ADARB2: variants seen among roughly 807,000 people sequenced by gnomAD.
ADARB2 encodes inactive double-stranded RNA-specific editase B2.
Under a neutral mutation model 62.2 loss-of-function variants are expected in ADARB2, and 25 were observed. The observed-to-expected ratio is 0.40, with a 90% CI of 0.29 to 0.56. The LOEUF (loss-of-function observed/expected upper bound fraction) is 0.56. Ranked by LOEUF, ADARB2 falls within the 20% of genes least tolerant of loss-of-function variation. The probability of loss-of-function intolerance (pLI) is 0.43; values close to 1 mark genes in which losing one functional copy is unlikely to be tolerated. For synonymous variants in ADARB2, 572 were observed against 500.8 expected, an observed-to-expected ratio of 1.14 and a Z score of -1.90; for missense variants, 1,071 against 1,077.4, an observed-to-expected ratio of 0.99 and a Z score of 0.08.
At chr10:1,652,249 A>T (rs1407958010) in intron 1 of ADARB2, among the ~76,000 whole-genome samples, 1 of 152,224 alleles carries the variant, frequency 6.6e-6, no homozygotes, top group Admixed American at 6.5e-5. Flanking sequence ...GCCCAGTCTC[A>T]GCTTTTAACT....
chr10:1,252,046 A>T (rs900533257), intron 4 of ADARB2, among the ~76,000 whole-genome samples: 3 of 152,216 alleles, frequency 2.0e-5, no homozygotes, highest in African/African-American at 7.2e-5. Flanking sequence ...GGATGCAGAC[A>T]CAGGGCTTCT....
intron 7 of ADARB2, among the ~76,000 whole-genome samples, chr10:1,201,909 A>G (rs1836992411): frequency 6.6e-6 from 1 of 151,032 alleles, no homozygotes; most frequent in Non-Finnish European, 1.5e-5. Flanking sequence ...GAGGACACAC[A>G]GCGCCTGTCA....
intron 1 of ADARB2, among the ~76,000 whole-genome samples, chr10:1,380,878 T>A (rs1400829774): frequency 6.6e-6 from 1 of 152,184 alleles, no homozygotes; most frequent in African/African-American, 2.4e-5. Flanking sequence ...GAAGCTCAAA[T>A]GATTCAGTCT....
At chr10:1,279,717 T>C (rs1831353524) in intron 3 of ADARB2, among the ~76,000 whole-genome samples, 2 of 152,202 alleles carry the variant, frequency 1.3e-5, no homozygotes, top group Admixed American at 1.3e-4. Context: ...TTGGACTTGC[T>C]TGGGCCCTGC....
Position 1,591,699 on chromosome 10 carries a change from C to A in ADARB2, c.100+145352G>T, listed in dbSNP as rs78059062. Among the ~76,000 whole-genome samples, 791 of 152,152 alleles carry A rather than the reference C, an allele frequency of 5.2e-3. 7 individuals are homozygous for A. The highest frequency in any genetic ancestry group is 0.018 in the African/African-American group (740 of 41,460). ...CACACGCACACACTCACCAGGACCCCCCCACCTGCCGCCGTCTTGTTGGAC... is the reference window on the plus strand; with the variant it reads ...CACACGCACACACTCACCAGGACCCACCCACCTGCCGCCGTCTTGTTGGAC... On this transcript the variant is annotated intron_variant, in intron 1 of 9. Coordinates refer to ENST00000381312, the MANE Select transcript of ADARB2 (RefSeq NM_018702.4).
chr10:1,718,245 T>C (rs1835046609), intron 1 of ADARB2, among the ~76,000 whole-genome samples: 3 of 152,084 alleles, frequency 2.0e-5, no homozygotes, highest in Non-Finnish European at 4.4e-5. Context: ...TTATATTTGG[T>C]CGTACTTTTT....
At chr10:1,726,678 C>T (rs1402381421) in intron 1 of ADARB2, among the ~76,000 whole-genome samples, 1 of 152,204 alleles carries the variant, frequency 6.6e-6, no homozygotes, top group African/African-American at 2.4e-5. Flanking sequence ...GCAGCACTTG[C>T]CCTGAGCTGC....
intron 1 of ADARB2, among the ~76,000 whole-genome samples, chr10:1,552,894 C>T (rs1588299577): frequency 6.7e-6 from 1 of 149,946 alleles, no homozygotes; most frequent in South Asian, 2.2e-4. Flanking sequence ...TTGGTTTTTA[C>T]CTCCTGTGGA....
chr10:1,580,682 A>G (rs942914098), intron 1 of ADARB2, among the ~76,000 whole-genome samples: 1 of 152,100 alleles, frequency 6.6e-6, no homozygotes, highest in African/African-American at 2.4e-5. Flanking sequence ...GGACCGGTGG[A>G]GAGTGTCTTG....
chr10:1,248,192 G>A (rs982575266), intron 4 of ADARB2, among the ~76,000 whole-genome samples: 2 of 152,188 alleles, frequency 1.3e-5, no homozygotes, highest in African/African-American at 2.4e-5. Context: ...TCTGGAGTGT[G>A]AGGCAAAGGT....
chr10:1,502,736 C>T (rs1831781612), intron 1 of ADARB2, among the ~76,000 whole-genome samples: 1 of 152,200 alleles, frequency 6.6e-6, no homozygotes, highest in Admixed American at 6.5e-5. Flanking sequence ...ATTTTCTAAC[C>T]TGTGTTACTT....
At chr10:1,510,113 T>TC (rs1564312481) in intron 1 of ADARB2, among the ~76,000 whole-genome samples, 13 of 67,490 alleles carry the variant, frequency 1.9e-4, no homozygotes, top group South Asian at 9.5e-4. Flanking sequence ...TCTTTCTCTC[T>TC]TTCTTTCTTT....
At chr10:1,337,977 G>A (rs907181346) in intron 3 of ADARB2, among the ~76,000 whole-genome samples, 1 of 152,194 alleles carries the variant, frequency 6.6e-6, no homozygotes, top group Non-Finnish European at 1.5e-5. Context: ...GGACTGACAC[G>A]TGCTTCTCAT....
At chr10:1,197,686 C>G (rs556647697) in intron 8 of ADARB2, among the ~76,000 whole-genome samples, 65 of 152,292 alleles carry the variant, frequency 4.3e-4, no homozygotes, top group African/African-American at 1.5e-3. Context: ...TTGAGGTGGG[C>G]TGTAAAAATA....
chr10:1,500,543 A>T (rs1020733678), intron 1 of ADARB2, among the ~76,000 whole-genome samples: 18 of 152,244 alleles, frequency 1.2e-4, no homozygotes, highest in African/African-American at 4.3e-4. Flanking sequence ...ATAATAATTT[A>T]GTCAATTATA....
At chr10:1,651,426 G>A (rs1834109493) in intron 1 of ADARB2, among the ~76,000 whole-genome samples, 1 of 152,234 alleles carries the variant, frequency 6.6e-6, no homozygotes, top group Admixed American at 6.5e-5. Flanking sequence ...CCACACCGCA[G>A]TGGGTGATGT....
At chr10:1,567,811 G>T (rs1832877315) in intron 1 of ADARB2, among the ~76,000 whole-genome samples, 1 of 152,228 alleles carries the variant, frequency 6.6e-6, no homozygotes, top group African/African-American at 2.4e-5. Context: ...GTTTGTTGAA[G>T]GAATGGGAAA....
intron 1 of ADARB2, among the ~76,000 whole-genome samples, chr10:1,671,569 C>T (rs1208386528): frequency 2.6e-5 from 4 of 152,168 alleles, no homozygotes; most frequent in Admixed American, 1.3e-4. Flanking sequence ...CCAACTTGCC[C>T]ATGGAGGTGG....
chr10:1,548,587 G>C (rs114387437), intron 1 of ADARB2, among the ~76,000 whole-genome samples: 2 of 152,232 alleles, frequency 1.3e-5, no homozygotes, highest in Non-Finnish European at 2.9e-5. Flanking sequence ...GGTGAATAAA[G>C]TCTCACTAGA....
Sources: allele counts gnomAD v4.1 joint callset (sites outside exome capture counted in the v4.1 genomes callset), GRCh38; gene constraint gnomAD v4.1.1; transcripts MANE v1.5; gene names NCBI Gene and HGNC (gene_info 2026-07-23, HGNC 2026-07-21).